The following CNTNAP5 variants were observed in gnomAD, a reference collection of about 807,000 sequenced individuals.
CNTNAP5 encodes the protein contactin-associated protein-like 5.
CNTNAP5 carries 72 observed loss-of-function variants against 150.2 expected under a neutral mutation model. The observed-to-expected ratio is 0.48, with a 90% confidence interval of 0.40 to 0.58. CNTNAP5 has a LOEUF of 0.58. Ranked by LOEUF, CNTNAP5 falls within the 20% of genes least tolerant of loss-of-function variation. The probability of loss-of-function intolerance (pLI) is 0.00; values close to 1 mark genes in which losing one functional copy is unlikely to be tolerated. For synonymous variants in CNTNAP5, 672 were observed against 619.8 expected, an observed-to-expected ratio of 1.08 and a Z score of -1.25; for missense variants, 1,636 against 1,626.2, an observed-to-expected ratio of 1.01 and a Z score of -0.10.
At chr2:124,648,547 A>T (rs888670251) in intron 13 of CNTNAP5, among the ~76,000 whole-genome samples, 37 of 152,218 alleles carry the variant, frequency 2.4e-4, no homozygotes, top group South Asian at 2.1e-4. Context: ...AGAAAAAATT[A>T]AACTAACACT....
chr2:124,145,830 A>G, intron 1 of CNTNAP5, among the ~76,000 whole-genome samples: 1 of 7,878 alleles, frequency 1.3e-4, no homozygotes, highest in Non-Finnish European at 2.2e-4. Flanking sequence ...AAAAAAAAAG[A>G]AGAAAAAAAA....
chr2:124,576,543 A>G (rs1165985403), intron 11 of CNTNAP5, among the ~76,000 whole-genome samples: 2 of 152,224 alleles, frequency 1.3e-5, no homozygotes. Flanking sequence ...TTCTACTTTA[A>G]CAGAAGTCTT....
intron 3 of CNTNAP5, among the ~76,000 whole-genome samples, chr2:124,276,303 T>G (rs1366570815): frequency 1.3e-5 from 2 of 152,158 alleles, no homozygotes; most frequent in Admixed American, 6.6e-5. Flanking sequence ...CAGGCACACT[T>G]CAAATATGAA....
intron 21 of CNTNAP5, among the ~76,000 whole-genome samples, chr2:124,873,367 A>G (rs1240442639): frequency 3.3e-5 from 5 of 152,130 alleles, no homozygotes; most frequent in South Asian, 2.1e-4. Flanking sequence ...TAGGGATTAC[A>G]ATTCAACATG....
intron 4 of CNTNAP5, among the ~76,000 whole-genome samples, chr2:124,426,723 T>A (rs1253705752): frequency 3.3e-5 from 5 of 152,198 alleles, no homozygotes; most frequent in Non-Finnish European, 7.3e-5. Flanking sequence ...TTTTTTTAGC[T>A]GGTTTGTTGA....
At chr2:124,834,337 A>T (rs1287172626) in intron 19 of CNTNAP5, among the ~76,000 whole-genome samples, 3 of 152,128 alleles carry the variant, frequency 2.0e-5, no homozygotes, top group Non-Finnish European at 4.4e-5. Flanking sequence ...TATTTTCCTT[A>T]AAAACAATGC....
chr2:124,841,594 G>A (rs918340396), intron 19 of CNTNAP5, among the ~76,000 whole-genome samples: 16 of 151,802 alleles, frequency 1.1e-4, no homozygotes, highest in African/African-American at 3.6e-4. Flanking sequence ...ATGTTCCCTC[G>A]CAGCATTCCT....
intron 1 of CNTNAP5, among the ~76,000 whole-genome samples, chr2:124,172,248 AT>A (rs1684951636): frequency 6.6e-6 from 1 of 152,152 alleles, no homozygotes; most frequent in South Asian, 2.1e-4. Context: ...AATATTTTTT[AT>A]TTTTTTAAAT....
intron 11 of CNTNAP5, among the ~76,000 whole-genome samples, chr2:124,606,598 C>T (rs923136512): frequency 6.6e-6 from 1 of 152,032 alleles, no homozygotes; most frequent in Non-Finnish European, 1.5e-5. Context: ...CCTGAGACTG[C>T]GCAATTTACA....
At chr2:124,419,414 T>A (rs1020717041) in intron 4 of CNTNAP5, among the ~76,000 whole-genome samples, 4 of 152,148 alleles carry the variant, frequency 2.6e-5, no homozygotes, top group African/African-American at 9.7e-5. Flanking sequence ...ATGTTTAGCA[T>A]CTTCTGGTGA....
intron 4 of CNTNAP5, among the ~76,000 whole-genome samples, chr2:124,430,163 C>A (rs1692339864): frequency 6.6e-6 from 1 of 152,038 alleles, no homozygotes; most frequent in Non-Finnish European, 1.5e-5. Context: ...CAGGTGGGAA[C>A]CGACAGATGA....
At chr2:124,824,198 A>T (rs370574966) in intron 19 of CNTNAP5, among the ~76,000 whole-genome samples, 1 of 152,128 alleles carries the variant, frequency 6.6e-6, no homozygotes, top group African/African-American at 2.4e-5. Context: ...GATTACAGGC[A>T]TGAGCTACCA....
Position 124,763,711 on chromosome 2 carries a change from GC to G in CNTNAP5, c.2276del (p.Pro759LeufsTer5). The G allele has an allele frequency of 6.2e-7, 1 of 1,612,790 alleles. No individual in the cohort carries two copies. The highest frequency in any genetic ancestry group is 8.5e-7 in the Non-Finnish European group (1 of 1,179,294). The part of the protein sequence containing the change: ...TGFLSFKDHL[P>X]VTQIVITDTD... Reference sequence around the variant, plus strand: ...GCTTTCTTTCCTTCAAAGACCACTTGCCTGTCACTCAGATAGTTATCACTGA... The same window carrying G: ...GCTTTCTTTCCTTCAAAGACCACTTGCTGTCACTCAGATAGTTATCACTGA... On this transcript the variant is annotated frameshift_variant, in exon 15 of 24. Transcript: ENST00000682447. LOFTEE classifies it high-confidence loss of function.
At chr2:124,099,361 A>G (rs968149077) in intron 1 of CNTNAP5, among the ~76,000 whole-genome samples, 1 of 152,206 alleles carries the variant, frequency 6.6e-6, no homozygotes, top group African/African-American at 2.4e-5. Flanking sequence ...TTTACTGACT[A>G]TAATAACTAC....
At chr2:124,716,318 G>A (rs1323046345) in intron 13 of CNTNAP5, among the ~76,000 whole-genome samples, 3 of 152,052 alleles carry the variant, frequency 2.0e-5, no homozygotes, top group Admixed American at 6.6e-5. Flanking sequence ...GCTGAGGACT[G>A]TTTAAAAATT....
chr2:124,284,043 G>T (rs1344844433), intron 3 of CNTNAP5, among the ~76,000 whole-genome samples: 1 of 152,074 alleles, frequency 6.6e-6, no homozygotes, highest in African/African-American at 2.4e-5. Context: ...TGTTCTCATT[G>T]TTCAGCTCCC....
At chr2:124,489,225 C>T (rs1693963257) in intron 7 of CNTNAP5, among the ~76,000 whole-genome samples, 1 of 152,196 alleles carries the variant, frequency 6.6e-6, no homozygotes, top group Non-Finnish European at 1.5e-5. Context: ...CAAAATACCA[C>T]AGACTGTTTG....
intron 13 of CNTNAP5, among the ~76,000 whole-genome samples, chr2:124,712,072 C>T (rs931182217): frequency 6.6e-6 from 1 of 152,018 alleles, no homozygotes; most frequent in Admixed American, 6.6e-5. Context: ...TCTTATTGGC[C>T]AGGAGTGTGT....
intron 3 of CNTNAP5, among the ~76,000 whole-genome samples, chr2:124,369,655 G>A (rs533714587): frequency 1.3e-5 from 2 of 152,254 alleles, no homozygotes; most frequent in East Asian, 1.9e-4. Flanking sequence ...ACCTTATAAA[G>A]TGTTCTTAAA....
Sources: gnomAD v4.1 joint callset for allele counts (sites outside exome capture counted in the v4.1 genomes callset) on GRCh38, gnomAD v4.1.1 for gene constraint, MANE v1.5 for transcripts, NCBI Gene and HGNC (gene_info 2026-07-23, HGNC 2026-07-21) for gene names.